Variants in PRUNE2 observed in about 807,000 individuals in gnomAD.
PRUNE2 encodes the protein protein prune homolog 2.
PRUNE2 carries 164 observed loss-of-function variants against 252.0 expected under a neutral mutation model. The ratio of observed to expected loss-of-function variants is 0.65; its 90% CI spans 0.57 to 0.74. The LOEUF is 0.74. PRUNE2 is among the 30% of genes least tolerant of loss of function. The pLI is 0.00. For synonymous variants in PRUNE2, 1,292 were observed against 1,350.2 expected (o/e 0.96, Z 0.94); for missense variants, 3,495 against 3,711.0 (o/e 0.94, Z 1.51).
intron 9 of PRUNE2, among the ~76,000 whole-genome samples, chr9:76,702,343 C>CA (rs2045949910): frequency 6.6e-6 from 1 of 152,180 alleles, no homozygotes; most frequent in Non-Finnish European, 1.5e-5. Context: ...CAGGTATGAA[C>CA]CACCGCACCT....
chr9:76,890,957 A>G lies in PRUNE2; in HGVS notation c.36+14971T>C, dbSNP rs1390870007. On this transcript the variant is annotated intron_variant, in intron 1 of 18. Transcript: ENST00000376718. ...GATTGGAAAACACAGGCAACCCAGG[A>G]CCACTCACCAGAGGCCAATGCATCT... 3.3e-5 allele frequency among the ~76,000 whole-genome samples: 5 copies of G among 152,340 alleles called. No homozygotes were observed. The South Asian group carries it at 8.3e-4, about 25-fold the overall frequency.
intron 6 of PRUNE2, among the ~76,000 whole-genome samples, chr9:76,723,702 T>C (rs2047838917): frequency 6.6e-6 from 1 of 152,140 alleles, no homozygotes; most frequent in South Asian, 2.1e-4. Context: ...CTCTTTTGAG[T>C]TGAAGAATTC....
chr9:76,889,311 T>C (rs1454803540), intron 1 of PRUNE2, among the ~76,000 whole-genome samples: 4 of 150,068 alleles, frequency 2.7e-5, no homozygotes, highest in Admixed American at 1.3e-4. Context: ...TTAGAACCCA[T>C]GGCTCTCTGC....
intron 1 of PRUNE2, among the ~76,000 whole-genome samples, chr9:76,855,762 C>T (rs896201261): frequency 1.3e-5 from 2 of 152,244 alleles, no homozygotes; most frequent in Middle Eastern, 3.4e-3. Context: ...GATATAAACT[C>T]TCTGAAGATA....
chr9:76,843,564 C>A (rs999781859), intron 4 of PRUNE2, among the ~76,000 whole-genome samples: 1 of 152,048 alleles, frequency 6.6e-6, no homozygotes, highest in African/African-American at 2.4e-5. Context: ...TAAAGAGAAC[C>A]CTTTCTAAAG....
At chr9:76,807,124 T>C (rs1314621212) in intron 6 of PRUNE2, among the ~76,000 whole-genome samples, 4 of 151,106 alleles carry the variant, frequency 2.6e-5, no homozygotes, top group African/African-American at 4.9e-5. Context: ...AGTGCTGGAG[T>C]GCAATGGCAT....
intron 6 of PRUNE2, among the ~76,000 whole-genome samples, chr9:76,797,770 T>C (rs1437572082): frequency 4.0e-5 from 6 of 151,376 alleles, no homozygotes; most frequent in Non-Finnish European, 8.8e-5. Context: ...GTTTCTGGAA[T>C]GGTAGAGAGG....
At position 76,707,630 on chromosome 9, in the gene PRUNE2, A is replaced by T. The variant is rs1398507615; in HGVS notation, c.4644T>A (p.Pro1548=). ...SEYTHSSASS[P]ELNDSSVALS... ...GTGCAACTGAAGAGTCATTTAACTC[A>T]GGACTTGATGCACTTGAATGAGTAT... The change falls in exon 8 of 19, where the codon CCT becomes CCA. Residue 1548 remains proline (P), a synonymous_variant. Transcript: ENST00000376718. The T allele has an allele frequency of 1.5e-5, 25 of 1,613,948 alleles. No individual in the cohort carries two copies. Among genetic ancestry groups the T allele is most frequent in the Non-Finnish European group, 2.1e-5 (25 of 1,179,876 alleles).
At chr9:76,876,456 G>A (rs1450417884) in intron 1 of PRUNE2, among the ~76,000 whole-genome samples, 1 of 152,056 alleles carries the variant, frequency 6.6e-6, no homozygotes, top group Non-Finnish European at 1.5e-5. Context: ...GCAGGCAATG[G>A]GTGATATTGA....
At chr9:76,809,563 G>A (rs369148869) in intron 6 of PRUNE2, among the ~76,000 whole-genome samples, 13 of 152,032 alleles carry the variant, frequency 8.6e-5, no homozygotes, top group South Asian at 2.1e-4. Context: ...GGACGTGGTC[G>A]CGCGCACCTA....
rs749241629 is a variant in PRUNE2 at position 76,707,473 on chromosome 9, C to T, written c.4801G>A (p.Asp1601Asn). 1.9e-6 allele frequency: 3 copies of T among 1,613,726 alleles called. No individual in the cohort carries two copies. The highest frequency in any genetic ancestry group is 3.3e-5 in the Admixed American group (2 of 59,976). The change falls in exon 8 of 19, where the codon GAT becomes AAT. Residue 1601 changes from aspartate (D) to asparagine (N), a missense_variant. Physicochemically the swap from Asp to Asn is conservative, Grantham distance 23. Coordinates refer to ENST00000376718, the MANE Select transcript of PRUNE2 (RefSeq NM_015225.3). ...TCATTTATTCTGTTTTTCTCTAAAT[C>T]CTTCACTTTGGTAACTATTTCTACT... ...GQVEIVTKVK[D>N]LEKNRINEFE... is the part of the protein sequence containing the mutation.
At chr9:76,856,301 G>A (rs2060247388) in intron 1 of PRUNE2, 1 of 152,166 alleles carries the variant, frequency 6.6e-6, no homozygotes, top group South Asian at 2.1e-4. Flanking sequence ...CGGAATTCAG[G>A]GAGAAGAGAG....
chr9:76,706,448 C>A lies in PRUNE2; in HGVS notation c.5826G>T (p.Val1942=). ...GAGTCAGCTCATCACCAGCAGCAGA[C>A]ACAAAGGTTTGCTCTCTTGAGTCCT... ...KEKDSREQTF[V]SAAGDELTPE... The change falls in exon 8 of 19, where the codon GTG becomes GTT. Residue 1942 remains valine, a synonymous_variant. Transcript: ENST00000376718. The A allele has an allele frequency of 6.2e-7, 1 of 1,614,012 alleles. No homozygotes were observed. Among genetic ancestry groups the A allele is most frequent in the Non-Finnish European group, 8.5e-7 (1 of 1,179,890 alleles).
intron 2 of PRUNE2, among the ~76,000 whole-genome samples, chr9:76,852,824 CTATCTATCTATCTATCT>C (rs1233105195): frequency 4.7e-5 from 7 of 147,662 alleles, no homozygotes; most frequent in African/African-American, 1.8e-4. Flanking sequence ...ATCTATCTAT[CTATCTATCTATCTATCT>C]ATCTATCCAT....
At chr9:76,723,147 C>T (rs1366874693) in intron 6 of PRUNE2, among the ~76,000 whole-genome samples, 1 of 152,098 alleles carries the variant, frequency 6.6e-6, no homozygotes, top group African/African-American at 2.4e-5. Context: ...TATGTAAGAT[C>T]CTAAAATTGA....
intron 6 of PRUNE2, among the ~76,000 whole-genome samples, chr9:76,720,294 A>G (rs1283376702): frequency 3.3e-5 from 5 of 152,212 alleles, no homozygotes; most frequent in Non-Finnish European, 4.4e-5. Context: ...ACTGATATTT[A>G]TTAAAGTTGT....
At chr9:76,859,696 T>C (rs893453146) in intron 1 of PRUNE2, among the ~76,000 whole-genome samples, 2 of 151,490 alleles carry the variant, frequency 1.3e-5, no homozygotes, top group African/African-American at 4.9e-5. Context: ...CTTGTTTGTT[T>C]GTTTGTTTGT....
Position 76,722,809 on chromosome 9 carries a change from A to G in PRUNE2, c.757-9088T>C, listed in dbSNP as rs1011288325. 1.4e-4 allele frequency among the ~76,000 whole-genome samples: 21 copies of G among 152,326 alleles called. No homozygotes were observed. The East Asian group carries it at 3.9e-3, about 28-fold the overall frequency. On this transcript the variant is annotated intron_variant, in intron 6 of 18. Transcript: ENST00000376718. ...AGCTCACAGCTCGTATGTGGGACAAATGGGACTTAAACCCAGGTTAGTTTA... is the reference window on the plus strand; with the variant it reads ...AGCTCACAGCTCGTATGTGGGACAAGTGGGACTTAAACCCAGGTTAGTTTA...
rs1564374002 is a variant in PRUNE2 at position 76,821,642 on chromosome 9, C to T, written c.756+1990G>A. On this transcript the variant is annotated intron_variant, in intron 6 of 18. Transcript: ENST00000376718. Reference sequence around the variant, plus strand: ...CCTATAAGAGTTTAAACTGTGTACCCTTCTTTATTATACACAAATGTCCTC... The same window carrying T: ...CCTATAAGAGTTTAAACTGTGTACCTTTCTTTATTATACACAAATGTCCTC... 3.3e-5 allele frequency among the ~76,000 whole-genome samples: 5 copies of T among 152,160 alleles called. No homozygotes were observed. In the South Asian group the frequency reaches 6.2e-4, roughly 19 times the overall value.
Sources: gnomAD v4.1 joint callset for allele counts (sites outside exome capture counted in the v4.1 genomes callset) on GRCh38, gnomAD v4.1.1 for gene constraint, MANE v1.5 for transcripts, NCBI Gene and HGNC (gene_info 2026-07-23, HGNC 2026-07-21) for gene names.